The following NANOS3 variants were observed in gnomAD, a reference collection of about 807,000 sequenced individuals.
NANOS3 encodes the protein nanos C2HC-type zinc finger 3, also known as nanos homolog 3.
NANOS3 carries 11 observed loss-of-function variants against 13.8 expected under a neutral mutation model. That is an observed-to-expected ratio of 0.80 (90% CI 0.50 to 1.32). The LOEUF is 1.32. NANOS3 is among the 40% of genes most tolerant of loss of function. The pLI is 0.00. For missense variants in NANOS3, 221 were observed against 263.8 expected, an observed-to-expected ratio of 0.84 and a Z score of 1.12; for synonymous variants, 119 against 115.4, an observed-to-expected ratio of 1.03 and a Z score of -0.20.
At chr19:13,864,372 C>CGT (rs150970507), upstream of NANOS3, among the ~76,000 whole-genome samples, 973 of 152,162 alleles carry the variant, frequency 6.4e-3, 10 homozygotes, top group African/African-American at 0.022. Context: ...CCCTGAATTG[C>CGT]GTGTGTCCAT....
intron 1 of NANOS3, among the ~76,000 whole-genome samples, chr19:13,870,858 G>A (rs1334528644): frequency 6.6e-6 from 1 of 151,820 alleles, no homozygotes; most frequent in East Asian, 1.9e-4. Context: ...GGGATTACAG[G>A]AATGAGCCAC....
rs945829123 is a variant in NANOS3 at position 13,871,025 on chromosome 19, G to A, written n.21+5588G>A. ...AAGAAGCAAAATGAAGGCCCTGAAA[G>A]ACACCCCTACCCCCCATGCACTGAG... On this transcript the variant is annotated intron_variant and non_coding_transcript_variant, in intron 1 of 2. Transcript: ENST00000591161. Among the ~76,000 whole-genome samples, 60 of 151,918 alleles carry A rather than the reference G, an allele frequency of 3.9e-4. 1 individual carries two copies. Among genetic ancestry groups the A allele is most frequent in the African/African-American group, 1.4e-3 (58 of 41,340 alleles).
chr19:13,866,357 C>T (rs1976241327), intron 1 of NANOS3, among the ~76,000 whole-genome samples: 2 of 152,022 alleles, frequency 1.3e-5, no homozygotes, highest in Admixed American at 1.3e-4. Flanking sequence ...CTCCCCCCAT[C>T]TCTTTCCCTA....
chr19:13,866,159 T>C (rs1186608186), intron 1 of NANOS3, among the ~76,000 whole-genome samples: 1 of 151,896 alleles, frequency 6.6e-6, no homozygotes, highest in East Asian at 1.9e-4. Context: ...GAACCCGCCC[T>C]CCAAAACTGG....
At chr19:13,878,501 T>C (rs780203316) in intron 1 of NANOS3, among the ~76,000 whole-genome samples, 24 of 152,216 alleles carry the variant, frequency 1.6e-4, no homozygotes, top group Admixed American at 5.9e-4. Context: ...CCTCCCAAAG[T>C]GCTGGGATTA....
At chr19:13,879,758 C>T (rs1968592856) in intron 1 of NANOS3, among the ~76,000 whole-genome samples, 1 of 151,590 alleles carries the variant, frequency 6.6e-6, no homozygotes, top group Non-Finnish European at 1.5e-5. Flanking sequence ...GTCATGGTGG[C>T]TCATGCCTGT....
chr19:13,867,777 C>A (rs1976264578), intron 1 of NANOS3, among the ~76,000 whole-genome samples: 1 of 152,050 alleles, frequency 6.6e-6, no homozygotes, highest in Non-Finnish European at 1.5e-5. Flanking sequence ...CACAGTTGTT[C>A]ACAGTAAAAT....
chr19:13,865,596 ATTG>A (rs1189583254), intron 1 of NANOS3, among the ~76,000 whole-genome samples: 4 of 144,572 alleles, frequency 2.8e-5, no homozygotes, highest in East Asian at 2.1e-4. Context: ...CCGGCCCTCC[ATTG>A]TTGTTGGGGC....
intron 1 of NANOS3, among the ~76,000 whole-genome samples, chr19:13,869,455 C>T (rs757576810): frequency 3.3e-5 from 5 of 152,090 alleles, no homozygotes; most frequent in Non-Finnish European, 7.4e-5. Flanking sequence ...CCACCGCCCA[C>T]GGGCTGGGTG....
intron 1 of NANOS3, 82 bp downstream of exon 1, chr19:13,877,847 C>T: frequency 2.6e-5 from 39 of 1,474,908 alleles, no homozygotes; most frequent in Non-Finnish European, 3.5e-5. Flanking sequence ...CCCCAGTACC[C>T]ACCTCCAAGG....
intron 1 of NANOS3, among the ~76,000 whole-genome samples, chr19:13,878,740 G>A (rs894317828): frequency 1.3e-5 from 2 of 150,340 alleles, no homozygotes; most frequent in Non-Finnish European, 3.0e-5. Context: ...TCAGCCTCCC[G>A]AGTAGCTGGA....
At chr19:13,875,439 G>A (rs549582447), upstream of NANOS3, among the ~76,000 whole-genome samples, 1 of 151,070 alleles carries the variant, frequency 6.6e-6, no homozygotes, top group Admixed American at 6.6e-5. Flanking sequence ...CTCCCCCCTC[G>A]GCCTCCCAAA....
chr19:13,862,237 A>G (rs963917603), upstream of NANOS3: 1 of 152,194 alleles, frequency 6.6e-6, no homozygotes, highest in Non-Finnish European at 1.5e-5. Context: ...AGGGGGCTTT[A>G]TTTAAGAAGG....
In NANOS3 at chr19:13,877,366, C is replaced by G; in HGVS notation, c.118C>G (p.Leu40Val). Residue 40 changes from leucine to valine, a missense_variant, in exon 1 of 2, where the codon CTG becomes GTG. This residue lies in a region of NANOS3 where 112 missense variants were observed against 116.3 expected (regional missense o/e 0.96). Transcript: ENST00000339133. ...LSPQPEPEPMLEPVSALEPMP... is the reference protein window; with the variant it reads ...LSPQPEPEPMVEPVSALEPMP... ...CCCCCAGCCAGAGCCAGAGCCAATG[C>G]TGGAGCCGGTGTCAGCCCTGGAGCC... is the stretch of plus-strand genomic sequence containing the variant. 6.2e-7 allele frequency: 1 copy of G among 1,612,624 alleles called. No homozygotes were observed. Among genetic ancestry groups the G allele is most frequent in the African/African-American group, 1.3e-5 (1 of 75,032 alleles).
intron 1 of NANOS3, among the ~76,000 whole-genome samples, chr19:13,869,748 CCAAGTA>C (rs1976295796): frequency 6.6e-6 from 1 of 150,990 alleles, no homozygotes. Flanking sequence ...CCTTCCAGGC[CCAAGTA>C]CACACACACA....
At chr19:13,867,358 G>A (rs1238654975) in intron 1 of NANOS3, among the ~76,000 whole-genome samples, 1 of 151,630 alleles carries the variant, frequency 6.6e-6, no homozygotes, top group East Asian at 2.0e-4. Context: ...CCCATCTCCT[G>A]GGCTCAAGCA....
At chr19:13,863,144 A>C (rs561381583), upstream of NANOS3, among the ~76,000 whole-genome samples, 1 of 152,310 alleles carries the variant, frequency 6.6e-6, no homozygotes, top group East Asian at 1.9e-4. Flanking sequence ...TGAATGTTGC[A>C]TATTCCAAAG....
chr19:13,875,480 C>T (rs1271871965), upstream of NANOS3, among the ~76,000 whole-genome samples: 1 of 151,996 alleles, frequency 6.6e-6, no homozygotes, highest in Non-Finnish European at 1.5e-5. Context: ...AGCCACTTTG[C>T]CTGGCCTAAA....
intron 1 of NANOS3, among the ~76,000 whole-genome samples, chr19:13,870,208 T>C (rs1298170883): frequency 6.6e-6 from 1 of 151,952 alleles, no homozygotes; most frequent in Non-Finnish European, 1.5e-5. Context: ...GCCTCCCAAA[T>C]AGCTGGGACT....
Sources: gnomAD v4.1 joint callset for allele counts (sites outside exome capture counted in the v4.1 genomes callset) on GRCh38, gnomAD v4.1.1 for gene constraint, gnomAD v4.1.1 regional missense constraint, MANE v1.5 for transcripts, NCBI Gene and HGNC (gene_info 2026-07-23, HGNC 2026-07-21) for gene names.